The following FBXL17 variants were observed in gnomAD, a reference collection of about 807,000 sequenced individuals.
FBXL17 encodes F-box/LRR-repeat protein 17.
FBXL17 carries 22 observed loss-of-function variants against 66.2 expected under a neutral mutation model. That is an observed-to-expected ratio of 0.33 (90% CI 0.24 to 0.47). The LOEUF (loss-of-function observed/expected upper bound fraction) is 0.47. Ranked by LOEUF, FBXL17 falls within the 20% of genes least tolerant of loss-of-function variation. FBXL17 has a pLI of 1.00. For synonymous variants in FBXL17, 474 were observed against 400.5 expected (o/e 1.18, Z -2.19); for missense variants, 878 against 948.2 (o/e 0.93, Z 0.97).
Position 107,861,706 on chromosome 5 carries a change from G to C in FBXL17, c.*14C>G. On this transcript the variant is annotated 3_prime_UTR_variant, in exon 9 of 9. Coordinates refer to ENST00000542267, the MANE Select transcript of FBXL17 (RefSeq NM_001163315.3). ...CTGCTGAATGATCCCAGTGGACTAGGCGAGGCAGGAGCGCTAGGAGGAGGC... is the reference window on the plus strand; with the variant it reads ...CTGCTGAATGATCCCAGTGGACTAGCCGAGGCAGGAGCGCTAGGAGGAGGC... 1 of 1,561,268 alleles carries C rather than the reference G, an allele frequency of 6.4e-7. No homozygotes were observed.
At chr5:108,225,146 T>C (rs980039394) in intron 4 of FBXL17, among the ~76,000 whole-genome samples, 2 of 152,162 alleles carry the variant, frequency 1.3e-5, no homozygotes, top group Non-Finnish European at 2.9e-5. Context: ...CTGAACACTT[T>C]ATATAAAAAG....
intron 6 of FBXL17, among the ~76,000 whole-genome samples, chr5:108,119,688 CTT>C (rs1423368132): frequency 6.6e-6 from 1 of 152,198 alleles, no homozygotes; most frequent in Non-Finnish European, 1.5e-5. Context: ...TGTTACTTTA[CTT>C]AGACATTTTG....
At chr5:108,377,070 G>A (rs1749489288) in intron 1 of FBXL17, among the ~76,000 whole-genome samples, 1 of 152,170 alleles carries the variant, frequency 6.6e-6, no homozygotes, top group Non-Finnish European at 1.5e-5. Context: ...GTCATTCTGT[G>A]TCTGAATATC....
At chr5:108,233,763 C>G (rs1337956081) in intron 4 of FBXL17, among the ~76,000 whole-genome samples, 1 of 152,118 alleles carries the variant, frequency 6.6e-6, no homozygotes, top group African/African-American at 2.4e-5. Context: ...GTCAAAAGGA[C>G]CATTAAAAGC....
At chr5:108,311,949 C>G (rs1759140925) in intron 4 of FBXL17, among the ~76,000 whole-genome samples, 1 of 152,066 alleles carries the variant, frequency 6.6e-6, no homozygotes, top group African/African-American at 2.4e-5. Context: ...TATAGAAAAC[C>G]TATTCTCCAG....
intron 6 of FBXL17, among the ~76,000 whole-genome samples, chr5:108,125,514 G>C (rs1750663538): frequency 6.6e-6 from 1 of 152,040 alleles, no homozygotes; most frequent in African/African-American, 2.4e-5. Flanking sequence ...CCTGAAATAA[G>C]AACTTCCTAA....
chr5:108,093,365 C>A (rs1314795880), intron 6 of FBXL17, among the ~76,000 whole-genome samples: 1 of 151,800 alleles, frequency 6.6e-6, no homozygotes, highest in African/African-American at 2.4e-5. Flanking sequence ...AAAACTCAGT[C>A]CTGCACCACC....
At chr5:108,286,851 C>A (rs10071595) in intron 4 of FBXL17, among the ~76,000 whole-genome samples, 77,663 of 151,686 alleles carry the variant, frequency 0.51, 20,018 homozygotes, top group African/African-American at 0.58. Flanking sequence ...AAAAAGAACA[C>A]GTCTGGAGGC....
intron 8 of FBXL17, among the ~76,000 whole-genome samples, chr5:107,866,808 T>C (rs1262075356): frequency 6.6e-6 from 1 of 152,180 alleles, no homozygotes; most frequent in African/African-American, 2.4e-5. Context: ...TAAAATCACA[T>C]TTAAAACTAA....
intron 7 of FBXL17, among the ~76,000 whole-genome samples, chr5:107,883,119 C>T (rs536784118): frequency 2.0e-5 from 3 of 152,264 alleles, no homozygotes; most frequent in East Asian, 3.9e-4. Context: ...GCATTTTTGC[C>T]AACATCTACT....
intron 6 of FBXL17, among the ~76,000 whole-genome samples, chr5:108,146,310 A>G (rs1751558860): frequency 6.6e-6 from 1 of 152,160 alleles, no homozygotes; most frequent in African/African-American, 2.4e-5. Context: ...TTGGTACAAA[A>G]AAAAAAAATG....
rs188187104 is a variant in FBXL17 at position 108,299,832 on chromosome 5, G to A, written c.1506+48567C>T. On this transcript the variant is annotated intron_variant, in intron 4 of 8. Transcript: ENST00000542267. Reference sequence around the variant, plus strand: ...ACAATAACACGACAAAATGTCAGTCGAGAATCTGAAAAAAAGGGTAGATGC... The same window carrying A: ...ACAATAACACGACAAAATGTCAGTCAAGAATCTGAAAAAAAGGGTAGATGC... 48 of 984,686 alleles carry A rather than the reference G, an allele frequency of 4.9e-5. No homozygotes were observed. In the African/African-American group the frequency reaches 7.2e-4, roughly 15 times the overall value. The allele number at this position is 984,686 out of a possible 1,614,324, so 61.0% of individuals were successfully genotyped here. A position where few individuals can be genotyped will look rare whatever the true frequency, so the allele number is the denominator to read the frequency against.
chr5:107,932,502 T>C (rs1484835846), intron 7 of FBXL17, among the ~76,000 whole-genome samples: 3 of 152,180 alleles, frequency 2.0e-5, no homozygotes, highest in Non-Finnish European at 2.9e-5. Flanking sequence ...TTTGATTAAA[T>C]AGTTTGAAAT....
rs146068652 is a variant in FBXL17 at position 107,962,829 on chromosome 5, A to G, written c.1822+58096T>C. On this transcript the variant is annotated intron_variant, in intron 7 of 8. Coordinates refer to ENST00000542267, the MANE Select transcript of FBXL17 (RefSeq NM_001163315.3). ...TTCTTTTAATGACTTCAGTTATTTCATGATCTATATAGAAGTCTTTGTAGA... is the reference window on the plus strand; with the variant it reads ...TTCTTTTAATGACTTCAGTTATTTCGTGATCTATATAGAAGTCTTTGTAGA... Among the ~76,000 whole-genome samples, 253 of 152,152 alleles carry G rather than the reference A, an allele frequency of 1.7e-3. 1 individual carries two copies. Among genetic ancestry groups the G allele is most frequent in the African/African-American group, 5.9e-3 (245 of 41,534 alleles).
intron 7 of FBXL17, among the ~76,000 whole-genome samples, chr5:107,911,248 A>G (rs1281404456): frequency 6.6e-6 from 1 of 152,126 alleles, no homozygotes. Context: ...GAAAATTTTT[A>G]TAAGAGAAGT....
intron 4 of FBXL17, among the ~76,000 whole-genome samples, chr5:108,232,697 G>A (rs1206294867): frequency 2.7e-5 from 4 of 148,234 alleles, no homozygotes; most frequent in East Asian, 4.0e-4. Context: ...TTTGAGACTC[G>A]GACTGGCTCT....
At chr5:108,018,397 C>A (rs902094401) in intron 7 of FBXL17, among the ~76,000 whole-genome samples, 17 of 152,130 alleles carry the variant, frequency 1.1e-4, no homozygotes, top group African/African-American at 4.1e-4. Context: ...CATGCTGTTT[C>A]TCTGGTTACA....
At chr5:108,306,392 C>A (rs1003833223) in intron 4 of FBXL17, among the ~76,000 whole-genome samples, 2 of 152,154 alleles carry the variant, frequency 1.3e-5, no homozygotes, top group African/African-American at 4.8e-5. Context: ...ATTTGCTACA[C>A]AGATAGTAGT....
chr5:108,003,892 G>C (rs1331001922), intron 7 of FBXL17, among the ~76,000 whole-genome samples: 5 of 151,994 alleles, frequency 3.3e-5, no homozygotes, highest in Non-Finnish European at 7.4e-5. Flanking sequence ...AGAGATAATG[G>C]GAAAAAGGCA....
Sources: gnomAD v4.1 joint callset for allele counts (sites outside exome capture counted in the v4.1 genomes callset) on GRCh38, gnomAD v4.1.1 for gene constraint, MANE v1.5 for transcripts, NCBI Gene and HGNC (gene_info 2026-07-23, HGNC 2026-07-21) for gene names.